Variants in PCDHGA3 observed in about 807,000 individuals in gnomAD.
PCDHGA3 encodes the protein protocadherin gamma subfamily A, 3.
In PCDHGA3, 40 loss-of-function variants were observed where a neutral mutation model predicts 58.5. The observed-to-expected ratio is 0.68, with a 90% CI of 0.53 to 0.89. The LOEUF (loss-of-function observed/expected upper bound fraction) is 0.89. Among genes scored for constraint, PCDHGA3 ranks in the 40% least tolerant of loss-of-function variants. PCDHGA3 has a pLI of 0.00. For synonymous variants in PCDHGA3, 530 were observed against 525.7 expected (o/e 1.01, Z -0.11); for missense variants, 1,223 against 1,195.9 (o/e 1.02, Z -0.33).
intron 1 of PCDHGA3, chr5:141,404,548 G>C (rs761765539): frequency 1.2e-5 from 20 of 1,613,740 alleles, no homozygotes. Context: ...AAATGCAGGT[G>C]ACGGCAAGTG....
At position 141,345,827 on chromosome 5, in the gene PCDHGA3, G is replaced by C. The variant is rs779769007; in HGVS notation, c.1794G>C (p.Ser598=). 4.3e-5 allele frequency: 69 copies of C among 1,613,472 alleles called. No homozygotes were observed. Among genetic ancestry groups the C allele is most frequent in the Non-Finnish European group, 5.5e-5 (65 of 1,179,996 alleles). ...AGGTGGTGGCGGTGGACAGAGACTCGGGCCAGAACGCCTGGCTGTCCTACC... is the reference window on the plus strand; with the variant it reads ...AGGTGGTGGCGGTGGACAGAGACTCCGGCCAGAACGCCTGGCTGTCCTACC... ...VTKVVAVDRD[S]GQNAWLSYRL... Residue 598 remains serine (S), a synonymous_variant, in exon 1 of 4, where the codon TCG becomes TCC. Coordinates refer to ENST00000253812, the MANE Select transcript of PCDHGA3 (RefSeq NM_018916.4).
At position 141,494,693 on chromosome 5, in the gene PCDHGA3, G is replaced by A. The variant is rs2099756182; in HGVS notation, c.2425-114G>A. The A allele has an allele frequency of 5.0e-6, 8 of 1,585,786 alleles. No individual in the cohort carries two copies. In the South Asian group the frequency reaches 6.8e-5, roughly 13 times the overall value. ...GTCCACCCCTGCCCCCTCTTAGTCC[G>A]TTTTCTTCTCTGTGCCCACTCCCCT... is the stretch of plus-strand genomic sequence containing the variant. On this transcript the variant is annotated intron_variant, in intron 1 of 3. Transcript: ENST00000253812.
In PCDHGA3 at chr5:141,485,222, C is replaced by A; in HGVS notation, c.2425-9585C>A. The A allele has an allele frequency of 6.2e-7, 1 of 1,614,196 alleles. No homozygotes were observed. The highest frequency in any genetic ancestry group is 8.5e-7 in the Non-Finnish European group (1 of 1,180,020). On this transcript the variant is annotated intron_variant, in intron 1 of 3. Transcript: ENST00000253812. This position sits in a 1 kb window ranked among gnomAD's most constrained non-coding sequence, Gnocchi z 5.7. ...GACAGAAATCTGGCGGTGGGCTACC[C>A]TTTTGTTCCTCTTTTACCACCTGGG...
intron 3 of PCDHGA3, chr5:141,508,363 A>G (rs996562348): frequency 1.3e-5 from 2 of 152,230 alleles, no homozygotes; most frequent in Non-Finnish European, 2.9e-5. Flanking sequence ...TGGCAATCCA[A>G]CTTCTTCCCC....
At chr5:141,351,814 C>T (rs368055501) in intron 1 of PCDHGA3, 8 of 1,613,124 alleles carry the variant, frequency 5.0e-6, no homozygotes, top group Admixed American at 1.7e-5. Context: ...CCTTCGACCA[C>T]GAGCAGCTGC....
At chr5:141,356,611 A>C (rs1425598072) in intron 1 of PCDHGA3, 4 of 1,614,158 alleles carry the variant, frequency 2.5e-6, no homozygotes, top group Non-Finnish European at 3.4e-6. Context: ...AGGAGCCTCC[A>C]TCTTATCTAT....
intron 1 of PCDHGA3, chr5:141,362,030 T>C: frequency 1.2e-6 from 2 of 1,608,762 alleles, no homozygotes; most frequent in South Asian, 1.1e-5. Context: ...GCGCGTGCCT[T>C]GGGCGACAGG....
At position 141,497,121 on chromosome 5, in the gene PCDHGA3, G is replaced by T. The variant is rs185298630; in HGVS notation, c.2483+2256G>T. Among the ~76,000 whole-genome samples, 563 of 152,212 alleles carry T rather than the reference G, an allele frequency of 3.7e-3. 5 individuals are homozygous for T. The highest frequency in any genetic ancestry group is 0.011 in the Admixed American group (164 of 15,296). On this transcript the variant is annotated intron_variant, in intron 2 of 3. Coordinates refer to ENST00000253812, the MANE Select transcript of PCDHGA3 (RefSeq NM_018916.4). Reference sequence around the variant, plus strand: ...GAACTGCTTGAACCCGGAAGGCAGAGGTTGCAGTGAGCTGAGATCACGAAA... The same window carrying T: ...GAACTGCTTGAACCCGGAAGGCAGATGTTGCAGTGAGCTGAGATCACGAAA...
chr5:141,356,198 T>C, intron 1 of PCDHGA3: 1 of 1,608,990 alleles, frequency 6.2e-7, no homozygotes, highest in Non-Finnish European at 8.5e-7. Flanking sequence ...AGAAGCAAGG[T>C]ACTGGTGACA....
At chr5:141,441,196 G>C (rs575668023) in intron 1 of PCDHGA3, 2 of 152,266 alleles carry the variant, frequency 1.3e-5, no homozygotes, top group East Asian at 3.9e-4. Flanking sequence ...GATTCCCAAA[G>C]ATTCTGCACC....
chr5:141,441,623 C>T (rs530409184), intron 1 of PCDHGA3: 2 of 224,422 alleles, frequency 8.9e-6, no homozygotes, highest in Non-Finnish European at 1.8e-5. Flanking sequence ...TGGCCAGTGA[C>T]CTGGAGCCAC....
chr5:141,491,483 A>ACCTGCAGGTGAGCTCGG lies in PCDHGA3; in HGVS notation c.2425-3323_2425-3307dup. The ACCTGCAGGTGAGCTCGG allele has an allele frequency of 3.1e-6, 5 of 1,614,018 alleles. No individual in the cohort carries two copies. The highest frequency in any genetic ancestry group is 4.2e-6 in the Non-Finnish European group (5 of 1,180,012). ...GACTTCTATAAGCAGTCCAGCCCCAACCTGCAGGTGAGCTCGGACGGCACG... is the reference window on the plus strand; with the variant it reads ...GACTTCTATAAGCAGTCCAGCCCCAACCTGCAGGTGAGCTCGGCCTGCAGGTGAGCTCGGACGGCACG... On this transcript the variant is annotated intron_variant, in intron 1 of 3. Coordinates refer to ENST00000253812, the MANE Select transcript of PCDHGA3 (RefSeq NM_018916.4). The surrounding 1 kb of genome is among the most constrained non-coding windows in gnomAD (Gnocchi z 6.9).
At chr5:141,447,938 T>G in intron 1 of PCDHGA3, among the ~76,000 whole-genome samples, 1 of 151,870 alleles carries the variant, frequency 6.6e-6, no homozygotes, top group Admixed American at 6.6e-5. Flanking sequence ...ATACAAAAAT[T>G]AGCTGGGCAT....
intron 1 of PCDHGA3, chr5:141,414,350 C>T (rs1450829111): frequency 1.9e-6 from 3 of 1,613,726 alleles, no homozygotes; most frequent in Admixed American, 1.7e-5. Flanking sequence ...TCCATTTTGG[C>T]GTATCTACCA....
intron 1 of PCDHGA3, chr5:141,390,423 C>T: frequency 9.4e-7 from 1 of 1,058,546 alleles, no homozygotes; most frequent in Non-Finnish European, 1.3e-6. Context: ...AGTTAAAAAG[C>T]TGTCATATCA....
chr5:141,476,206 C>A lies in PCDHGA3; in HGVS notation c.2425-18601C>A. On this transcript the variant is annotated intron_variant, in intron 1 of 3. Transcript: ENST00000253812. This position sits in a 1 kb window ranked among gnomAD's most constrained non-coding sequence, Gnocchi z 7.6. ...TGCTTGGTGCCTTGAACAAGGCTTC[C>A]ACGGTCATTCACTATGAGATCCCGG... 1 of 1,613,930 alleles carries A rather than the reference C, an allele frequency of 6.2e-7. No individual in the cohort carries two copies. The highest frequency in any genetic ancestry group is 1.7e-5 in the Admixed American group (1 of 60,004).
chr5:141,385,212 C>T, intron 1 of PCDHGA3: 1 of 1,614,230 alleles, frequency 6.2e-7, no homozygotes, highest in Non-Finnish European at 8.5e-7. Context: ...TGATCTTCCC[C>T]CAGCCCAACT....
chr5:141,490,903 C>G lies in PCDHGA3; in HGVS notation c.2425-3904C>G. 6.2e-7 allele frequency: 1 copy of G among 1,613,764 alleles called. No homozygotes were observed. The highest frequency in any genetic ancestry group is 1.7e-5 in the Admixed American group (1 of 60,022). On this transcript the variant is annotated intron_variant, in intron 1 of 3. Coordinates refer to ENST00000253812, the MANE Select transcript of PCDHGA3 (RefSeq NM_018916.4). This position sits in a 1 kb window ranked among gnomAD's most constrained non-coding sequence, Gnocchi z 5.4. ...CAACACATCTCTGCATGTGTTTGTC[C>G]TAGACGAGAATGATAATGCCCCAGC... is the stretch of plus-strand genomic sequence containing the variant.
At position 141,388,927 on chromosome 5, in the gene PCDHGA3, A is replaced by G. The variant is rs772950330; in HGVS notation, c.2424+42470A>G. 7 of 1,614,064 alleles carry G rather than the reference A, an allele frequency of 4.3e-6. No individual in the cohort carries two copies. Among genetic ancestry groups the G allele is most frequent in the Non-Finnish European group, 5.1e-6 (6 of 1,179,890 alleles). Reference sequence around the variant, plus strand: ...GACAACGCCCCAGAAGTGATATTCCAGTCTCTACCCAACCTAATTATGGAG... The same window carrying G: ...GACAACGCCCCAGAAGTGATATTCCGGTCTCTACCCAACCTAATTATGGAG... On this transcript the variant is annotated intron_variant, in intron 1 of 3. Coordinates refer to ENST00000253812, the MANE Select transcript of PCDHGA3 (RefSeq NM_018916.4).
Sources: gnomAD v4.1 joint callset for allele counts (sites outside exome capture counted in the v4.1 genomes callset) on GRCh38, gnomAD v4.1.1 for gene constraint, Gnocchi (gnomAD v3.1) non-coding constraint, MANE v1.5 for transcripts, NCBI Gene and HGNC (gene_info 2026-07-23, HGNC 2026-07-21) for gene names.